The following MPHOSPH10 variants were observed in gnomAD, a reference collection of about 807,000 sequenced individuals.
The protein encoded by MPHOSPH10 is U3 small nucleolar ribonucleoprotein MPP10.
A neutral mutation model predicts 77.3 loss-of-function variants in MPHOSPH10; 33 were observed. The ratio of observed to expected loss-of-function variants is 0.43; its 90% CI spans 0.32 to 0.57. MPHOSPH10 has a LOEUF of 0.57. Among genes scored for constraint, MPHOSPH10 ranks in the 20% least tolerant of loss-of-function variants. The probability of loss-of-function intolerance (pLI) is 0.07; values close to 1 mark genes in which losing one functional copy is unlikely to be tolerated. For synonymous variants in MPHOSPH10, 245 were observed against 268.0 expected, an observed-to-expected ratio of 0.91 and a Z score of 0.84; for missense variants, 708 against 780.1, an observed-to-expected ratio of 0.91 and a Z score of 1.10.
At chr2:71,147,590 A>G (rs1157617987) in intron 8 of MPHOSPH10, among the ~76,000 whole-genome samples, 1 of 152,012 alleles carries the variant, frequency 6.6e-6, no homozygotes, top group East Asian at 1.9e-4. Flanking sequence ...GGAGAATGGC[A>G]TGAACCCTTA....
In MPHOSPH10 at chr2:71,150,045, G is replaced by A. The variant is rs770983755; in HGVS notation, c.*30G>A. 4 of 1,109,080 alleles carry A rather than the reference G, an allele frequency of 3.6e-6. No individual in the cohort carries two copies. In the South Asian group the frequency reaches 5.7e-5, roughly 16 times the overall value. The allele number at this position is 1,109,080 out of a possible 1,614,324, so 68.7% of individuals were successfully genotyped here. On this transcript the variant is annotated 3_prime_UTR_variant, in exon 11 of 11. Transcript: ENST00000244230. ...TTTTGAATATAATGTAAATATTAAT[G>A]TGTAAGCTTATATTGTGTCATTGTT...
intron 9 of MPHOSPH10, chr2:71,149,017 CTG>C: frequency 1.7e-6 from 1 of 601,392 alleles, no homozygotes; most frequent in South Asian, 2.1e-5. Context: ...CTATAAGAGT[CTG>C]TGCCTGTCAA....
At position 71,141,356 on chromosome 2, in the gene MPHOSPH10, T is replaced by C; in HGVS notation, c.1433T>C (p.Ile478Thr). 6.5e-7 allele frequency: 1 copy of C among 1,546,098 alleles called. No individual in the cohort carries two copies. The highest frequency in any genetic ancestry group is 2.0e-5 in the Admixed American group (1 of 50,540). The change falls in exon 7 of 11, where the codon ATC (isoleucine) becomes ACC (threonine). Residue 478 changes from isoleucine to threonine, a missense_variant. By Grantham distance (89) the Ile-to-Thr change is moderately conservative. Coordinates refer to ENST00000244230, the MANE Select transcript of MPHOSPH10 (RefSeq NM_005791.3). ...SLAEIYEQEYIKLNQQKTAEE... is the reference protein window; with the variant it reads ...SLAEIYEQEYTKLNQQKTAEE... ...GCTGAAATTTATGAACAGGAGTACA[T>C]CAAACTCAACCAGGTGAGGAAGCCT...
At chr2:71,148,170 A>G in intron 9 of MPHOSPH10, 64 bp downstream of exon 9, 1 of 1,385,584 alleles carries the variant, frequency 7.2e-7, no homozygotes, top group Non-Finnish European at 1.0e-6. Flanking sequence ...GCCAGACTCC[A>G]TTTATTTGAC....
Position 71,133,161 on chromosome 2 carries a change from A to T in MPHOSPH10, c.353A>T (p.Asp118Val). 6.2e-7 allele frequency: 1 copy of T among 1,614,158 alleles called. No individual in the cohort carries two copies. Among genetic ancestry groups the T allele is most frequent in the Non-Finnish European group, 8.5e-7 (1 of 1,180,006 alleles). Reference sequence around the variant, plus strand: ...AGTGAAGAACAGGAACGTGAAGAGGATGGTTCAGAGATAGAGGCTGATGAC... The same window carrying T: ...AGTGAAGAACAGGAACGTGAAGAGGTTGGTTCAGAGATAGAGGCTGATGAC... ...PESEEQEREE[D>V]GSEIEADDKE... The change falls in exon 2 of 11, where the codon GAT becomes GTT. Residue 118 changes from aspartate to valine, a missense_variant. Physicochemically the swap from Asp to Val is radical, Grantham distance 152 (BLOSUM62 -3). Coordinates refer to ENST00000244230, the MANE Select transcript of MPHOSPH10 (RefSeq NM_005791.3).
chr2:71,149,185 T>G, intron 9 of MPHOSPH10, 38 bp from the exon 10 acceptor site: 1 of 1,511,266 alleles, frequency 6.6e-7, no homozygotes, highest in South Asian at 1.3e-5. Flanking sequence ...GTTGTTAAAC[T>G]TGATGAATGA....
intron 9 of MPHOSPH10, chr2:71,148,483 A>G (rs1025629625): frequency 1.1e-5 from 2 of 179,940 alleles, no homozygotes. Flanking sequence ...AATGCTAATT[A>G]GTAATGGAAT....
intron 5 of MPHOSPH10, 93 bp downstream of exon 5, chr2:71,138,724 C>T (rs1437122628): frequency 4.5e-6 from 7 of 1,539,930 alleles, no homozygotes; most frequent in Non-Finnish European, 6.2e-6. Flanking sequence ...TTTCCCTCAA[C>T]TTTTTATTTT....
At chr2:71,149,068 GC>G (rs1157969038) in intron 9 of MPHOSPH10, 154 bp from the exon 10 acceptor site, 19 of 658,928 alleles carry the variant, frequency 2.9e-5, no homozygotes, top group Non-Finnish European at 4.5e-5. Context: ...AGTTACCAAC[GC>G]TCATTGGAAT....
intron 6 of MPHOSPH10, among the ~76,000 whole-genome samples, chr2:71,140,091 G>A (rs72905527): frequency 0.043 from 6,530 of 152,196 alleles, 396 homozygotes; most frequent in African/African-American, 0.14. Flanking sequence ...ATCCTTTCTC[G>A]TGAGTCTTGC....
Position 71,149,945 on chromosome 2 carries a change from A to AT in MPHOSPH10, c.1977dup (p.Asp660Ter). 1 of 1,551,248 alleles carries AT rather than the reference A, an allele frequency of 6.4e-7. No homozygotes were observed. Among genetic ancestry groups the AT allele is most frequent in the Non-Finnish European group, 8.7e-7 (1 of 1,143,346 alleles). The stretch of plus-strand genomic sequence containing the variant: ...CAAGATCAAGTAAAAATGCAAATCA[A>AT]TGATGCAAAGAAAACAGAAAAGAAA... On this transcript the variant is annotated frameshift_variant, in exon 11 of 11. Transcript: ENST00000244230. LOFTEE classifies it high-confidence loss of function.
chr2:71,138,199 A>G (rs907752425), intron 4 of MPHOSPH10, among the ~76,000 whole-genome samples: 4 of 152,242 alleles, frequency 2.6e-5, no homozygotes, highest in East Asian at 3.8e-4. Flanking sequence ...TTGCGAATAG[A>G]TAGATCACTT....
chr2:71,133,645 G>A (rs756024946), intron 2 of MPHOSPH10, 69 bp downstream of exon 2: 3 of 1,422,154 alleles, frequency 2.1e-6, no homozygotes, highest in Admixed American at 2.3e-5. Flanking sequence ...TTCTAGGAGA[G>A]ATTTAATTGT....
chr2:71,147,866 C>A (rs1039103846), intron 8 of MPHOSPH10, 133 bp from the exon 9 acceptor site: 2 of 679,722 alleles, frequency 2.9e-6, no homozygotes, highest in South Asian at 2.2e-5. Flanking sequence ...TGCTGACTTT[C>A]AAGCAAGTGA....
At position 71,138,592 on chromosome 2, in the gene MPHOSPH10, C is replaced by T. The variant is rs1180314254; in HGVS notation, c.1201C>T (p.Leu401=). ...ACAGAAGAGGCCAGAGAACAGCCTC[C>T]TGGAGGAGACCCTACACTTTGACCA... is the stretch of plus-strand genomic sequence containing the variant. The part of the protein sequence containing the change: ...TAQKRPENSL[L]EETLHFDHAV... The change falls in exon 5 of 11, where the codon CTG becomes TTG. Residue 401 remains leucine, a synonymous_variant. Coordinates refer to ENST00000244230, the MANE Select transcript of MPHOSPH10 (RefSeq NM_005791.3). The T allele has an allele frequency of 6.2e-7, 1 of 1,614,170 alleles. No individual in the cohort carries two copies. The highest frequency in any genetic ancestry group is 1.7e-5 in the Admixed American group (1 of 60,006).
chr2:71,136,590 C>CT (rs1673495355), intron 4 of MPHOSPH10, among the ~76,000 whole-genome samples: 1 of 151,586 alleles, frequency 6.6e-6, no homozygotes, highest in South Asian at 2.1e-4. Context: ...TTTTTAAAAT[C>CT]TAAGAATCTG....
rs1673423814 is a variant in MPHOSPH10 at position 71,133,346 on chromosome 2, T to C, written c.538T>C (p.Leu180=). ...DSDLDFDISK[L]EQQSKVQNKG... is the part of the protein sequence containing the mutation. Reference sequence around the variant, plus strand: ...TGACCTTGACTTTGATATCAGCAAATTGGAACAGCAGAGCAAGGTGCAAAA... The same window carrying C: ...TGACCTTGACTTTGATATCAGCAAACTGGAACAGCAGAGCAAGGTGCAAAA... The change falls in exon 2 of 11, where the codon TTG becomes CTG. Residue 180 remains leucine, a synonymous_variant. Transcript: ENST00000244230. 1.9e-6 allele frequency: 3 copies of C among 1,614,032 alleles called. No homozygotes were observed. Among genetic ancestry groups the C allele is most frequent in the Non-Finnish European group, 2.5e-6 (3 of 1,179,990 alleles).
chr2:71,147,254 G>T (rs75672082), intron 8 of MPHOSPH10, among the ~76,000 whole-genome samples: 6,175 of 152,210 alleles, frequency 0.041, 372 homozygotes, highest in African/African-American at 0.13. Flanking sequence ...AATATTAATA[G>T]AGATCAGTAA....
At chr2:71,145,670 C>G (rs1673692103) in intron 8 of MPHOSPH10, among the ~76,000 whole-genome samples, 1 of 152,154 alleles carries the variant, frequency 6.6e-6, no homozygotes, top group Admixed American at 6.5e-5. Flanking sequence ...TCCTCTTGTC[C>G]AGCAGGTCTT....
Sources: gnomAD v4.1 joint callset for allele counts (sites outside exome capture counted in the v4.1 genomes callset) on GRCh38, gnomAD v4.1.1 for gene constraint, MANE v1.5 for transcripts, NCBI Gene and HGNC (gene_info 2026-07-23, HGNC 2026-07-21) for gene names.